MYH13: variants seen among roughly 807,000 people sequenced by gnomAD.
MYH13 encodes myosin heavy chain 13.
Under a neutral mutation model 232.1 loss-of-function variants are expected in MYH13, and 177 were observed. The ratio of observed to expected loss-of-function variants is 0.76; its 90% CI spans 0.67 to 0.86. The LOEUF is 0.86. Ranked by LOEUF, MYH13 falls within the 40% of genes least tolerant of loss-of-function variation. The pLI is 0.00. For missense variants in MYH13, 2,246 were observed against 2,405.9 expected (o/e 0.93, Z 1.39); for synonymous variants, 884 against 923.5 (o/e 0.96, Z 0.78).
intron 12 of MYH13, among the ~76,000 whole-genome samples, chr17:10,347,884 A>T (rs542917401): frequency 6.6e-6 from 1 of 150,708 alleles, no homozygotes; most frequent in Non-Finnish European, 1.5e-5. Flanking sequence ...GGCCCGGCTA[A>T]TTTTTTTTTA....
At chr17:10,315,871 C>T in intron 28 of MYH13, 28 bp downstream of exon 28, 1 of 1,613,984 alleles carries the variant, frequency 6.2e-7, no homozygotes, top group Non-Finnish European at 8.5e-7. Context: ...CATGGCCCGG[C>T]TGGACCCAGA....
chr17:10,343,459 C>T (rs992611551), intron 16 of MYH13, among the ~76,000 whole-genome samples: 1 of 152,198 alleles, frequency 6.6e-6, no homozygotes, highest in African/African-American at 2.4e-5. Flanking sequence ...CTTGGCCTCC[C>T]AAAGAGCTGG....
chr17:10,369,537 G>A (rs929894437), intron 2 of MYH13, among the ~76,000 whole-genome samples: 1 of 152,218 alleles, frequency 6.6e-6, no homozygotes, highest in Non-Finnish European at 1.5e-5. Context: ...CAGTATTGGT[G>A]TTAACATGGC....
intron 22 of MYH13, among the ~76,000 whole-genome samples, chr17:10,327,266 G>A (rs542900659): frequency 2.2e-3 from 334 of 151,652 alleles, no homozygotes; most frequent in African/African-American, 7.6e-3. Context: ...CTCCCAAAGT[G>A]CTGGGATTAC....
intron 16 of MYH13, among the ~76,000 whole-genome samples, chr17:10,343,088 CAAAAAAA>C (rs71139039): frequency 0.52 from 64,189 of 124,434 alleles, 15,061 homozygotes; most frequent in East Asian, 0.62. Flanking sequence ...GACTCTGTCT[CAAAAAAA>C]AAAAAAAAAA....
intron 39 of MYH13, among the ~76,000 whole-genome samples, chr17:10,302,140 A>C (rs1906115729): frequency 6.6e-6 from 1 of 152,096 alleles, no homozygotes; most frequent in South Asian, 2.1e-4. Flanking sequence ...TTCCTGACTA[A>C]AATGTCCTCC....
chr17:10,313,887 G>T (rs527700225), intron 29 of MYH13, among the ~76,000 whole-genome samples: 2 of 152,196 alleles, frequency 1.3e-5, no homozygotes, highest in Non-Finnish European at 2.9e-5. Flanking sequence ...TCACCACTGG[G>T]CTATGTCCCC....
Position 10,330,428 on chromosome 17 carries a change from C to A in MYH13, c.2394G>T (p.Gly798=), listed in dbSNP as rs757933125. The change falls in exon 21 of 41, where the codon GGG becomes GGT. Residue 798 remains glycine, a synonymous_variant. Transcript: ENST00000252172. ...LMTSTQAVCR[G]YLMRVEFKKM... ...TCTTGAACTCCACCCGCATCAGGTA[C>A]CCCCTGCACACCGCCTGCGTGCTTG... 1.4e-5 allele frequency: 22 copies of A among 1,613,456 alleles called. No individual in the cohort carries two copies. The highest frequency in any genetic ancestry group is 2.2e-5 in the East Asian group (1 of 44,878).
chr17:10,308,443 CTTTTTTTTTTTT>C (rs57432823), intron 35 of MYH13, among the ~76,000 whole-genome samples: 1 of 113,110 alleles, frequency 8.8e-6, no homozygotes, highest in African/African-American at 3.4e-5. Flanking sequence ...TTAATTAAAA[CTTTTTTTTTTTT>C]TTTTTTTTTT....
rs937878570 is a variant in MYH13, at chr17:10,333,012, C to A, written c.2174+62G>T. 9.8e-6 allele frequency: 13 copies of A among 1,324,432 alleles called. No individual in the cohort carries two copies. In the African/African-American group the frequency reaches 1.7e-4, roughly 18 times the overall value. 82.0% of individuals were successfully genotyped at this position (1,324,432 alleles called of 1,614,324 possible). Reference sequence around the variant, plus strand: ...ACCAAATACCCAGGTCAAGAAATGTCTTAGGGAAATGCAAAAGGTGCCCTC... The same window carrying A: ...ACCAAATACCCAGGTCAAGAAATGTATTAGGGAAATGCAAAAGGTGCCCTC... On this transcript the variant is annotated intron_variant, in intron 19 of 40. Transcript: ENST00000252172.
chr17:10,301,063 C>T, intron 40 of MYH13, 98 bp from the exon 41 acceptor site: 1 of 1,108,162 alleles, frequency 9.0e-7, no homozygotes, highest in South Asian at 1.3e-5. Context: ...TCTGGAACTT[C>T]AGAGGAATAT....
Position 10,309,290 on chromosome 17 carries a change from G to A in MYH13, c.5113C>T (p.Leu1705=). 1.2e-6 allele frequency: 2 copies of A among 1,613,890 alleles called. No homozygotes were observed. Among genetic ancestry groups the A allele is most frequent in the Non-Finnish European group, 1.7e-6 (2 of 1,179,854 alleles). The change falls in exon 35 of 41, where the codon CTG becomes TTG. Residue 1705 remains leucine (L), a synonymous_variant. Transcript: ENST00000252172. ...GCGTCCAGCAGCTCCTGCTCTGACA[G>A]CCTGCGGGTCCGCTCCGTCTGTTCC... is the stretch of plus-strand genomic sequence containing the variant. ...ALEQTERTRR[L]SEQELLDASD... is the part of the protein sequence containing the mutation.
At chr17:10,354,443 G>A (rs2071732982) in intron 11 of MYH13, among the ~76,000 whole-genome samples, 1 of 152,176 alleles carries the variant, frequency 6.6e-6, no homozygotes, top group Non-Finnish European at 1.5e-5. Flanking sequence ...TTAGAGAACA[G>A]AACTGAAGGC....
chr17:10,310,099 T>G (rs1290527182), intron 33 of MYH13, among the ~76,000 whole-genome samples: 3 of 150,476 alleles, frequency 2.0e-5, no homozygotes, highest in South Asian at 4.3e-4. Flanking sequence ...TTTGTGTTTT[T>G]TTTTTTTTTT....
intron 23 of MYH13, among the ~76,000 whole-genome samples, chr17:10,323,787 A>AAAGAAGAAGAAGAAGAAGAAGAAG (rs571033999): frequency 1.0e-3 from 67 of 66,732 alleles, no homozygotes; most frequent in African/African-American, 1.9e-3. Context: ...AAAAAAAAAA[A>AAAGAAGAAGAAGAAGAAGAAGAAG]AAGAAGAAGA....
At position 10,355,139 on chromosome 17, in the gene MYH13, G is replaced by A. The variant is rs868692469; in HGVS notation, c.747C>T (p.Phe249=). Residue 249 remains phenylalanine, a synonymous_variant, in exon 9 of 41, where the codon TTC becomes TTT. Transcript: ENST00000252172. ...RNDNSSRFGK[F]IRIHFGATGK... ...CTGTGGCTCCAAAATGAATCCGAATGAACTTCCCCTGTCCAATAACAGGTG... is the reference window on the plus strand; with the variant it reads ...CTGTGGCTCCAAAATGAATCCGAATAAACTTCCCCTGTCCAATAACAGGTG... 1 of 1,577,126 alleles carries A rather than the reference G, an allele frequency of 6.3e-7. No individual in the cohort carries two copies. Among genetic ancestry groups the A allele is most frequent in the Non-Finnish European group, 8.6e-7 (1 of 1,159,840 alleles).
Position 10,351,015 on chromosome 17 carries a change from T to A in MYH13, c.1006-321A>T, listed in dbSNP as rs530178896. On this transcript the variant is annotated intron_variant, in intron 11 of 40. Transcript: ENST00000252172. Reference sequence around the variant, plus strand: ...GGCAGGCAGATTACGAGGTCAGGAGTTTGAGACCATCCTGGCCAACATGGC... The same window carrying A: ...GGCAGGCAGATTACGAGGTCAGGAGATTGAGACCATCCTGGCCAACATGGC... Among the ~76,000 whole-genome samples, 35 of 151,404 alleles carry A rather than the reference T, an allele frequency of 2.3e-4. 1 individual carries two copies. The East Asian group carries it at 6.9e-3, about 30-fold the overall frequency.
Position 10,301,760 on chromosome 17 carries a change from G to A in MYH13, c.5668-57C>T, listed in dbSNP as rs111593493. ...TAGAGCCTCTCAGTCCGATTATGAG[G>A]TGCCCTGTCTCTGAAGGCCTCTGAG... On this transcript the variant is annotated intron_variant, in intron 39 of 40. Transcript: ENST00000252172. The A allele has an allele frequency of 8.6e-4, 1,362 of 1,589,748 alleles. 14 individuals carry two copies. In the African/African-American group the frequency reaches 0.017, roughly 20 times the overall value.
chr17:10,316,287 C>T (rs1906709467), intron 27 of MYH13, among the ~76,000 whole-genome samples: 1 of 152,116 alleles, frequency 6.6e-6, no homozygotes, highest in Non-Finnish European at 1.5e-5. Flanking sequence ...ATGGTGAAAC[C>T]TTATCTCTAC....
Sources: gnomAD v4.1 joint callset for allele counts (sites outside exome capture counted in the v4.1 genomes callset) on GRCh38, gnomAD v4.1.1 for gene constraint, MANE v1.5 for transcripts, NCBI Gene and HGNC (gene_info 2026-07-23, HGNC 2026-07-21) for gene names.